The following FHIT variants were observed in gnomAD, a reference collection of about 807,000 sequenced individuals.
FHIT encodes the protein fragile histidine triad diadenosine triphosphatase, also known as bis(5'-adenosyl)-triphosphatase.
In FHIT, 19 loss-of-function variants were observed where a neutral mutation model predicts 17.9. The ratio of observed to expected loss-of-function variants is 1.06; its 90% CI spans 0.74 to 1.56. The LOEUF is 1.56. Among genes scored for constraint, FHIT ranks in the 40% most tolerant of loss-of-function variants. FHIT has a pLI of 0.00. For synonymous variants in FHIT, 81 were observed against 69.7 expected (o/e 1.16, Z -0.81); for missense variants, 248 against 189.2 (o/e 1.31, Z -1.82).
chr3:59,865,117 T>C (rs1699196260), intron 8 of FHIT, among the ~76,000 whole-genome samples: 1 of 152,236 alleles, frequency 6.6e-6, no homozygotes. Flanking sequence ...ATAATTTCAA[T>C]TTCATTTAAA....
chr3:61,227,993 C>T (rs1216502361), intron 1 of FHIT, among the ~76,000 whole-genome samples: 2 of 152,106 alleles, frequency 1.3e-5, no homozygotes, highest in Non-Finnish European at 2.9e-5. Flanking sequence ...TTATTAATCA[C>T]CAGCAATGAC....
chr3:59,879,983 G>GACA (rs1553704702), intron 8 of FHIT, among the ~76,000 whole-genome samples: 1 of 149,478 alleles, frequency 6.7e-6, no homozygotes, highest in Admixed American at 6.7e-5. Flanking sequence ...CAAGAGAGAA[G>GACA]AGGAGAAGTC....
intron 5 of FHIT, among the ~76,000 whole-genome samples, chr3:60,197,065 T>C (rs1367814452): frequency 6.6e-6 from 1 of 152,190 alleles, no homozygotes. Context: ...GTGTTCCCCA[T>C]AGTGTGGTAC....
chr3:60,229,944 T>C (rs1576341112), intron 5 of FHIT, among the ~76,000 whole-genome samples: 1 of 152,166 alleles, frequency 6.6e-6, no homozygotes, highest in Non-Finnish European at 1.5e-5. Flanking sequence ...ATTGTGCCAC[T>C]GCACTCCAGC....
At chr3:59,874,098 C>G (rs1424564845) in intron 8 of FHIT, among the ~76,000 whole-genome samples, 2 of 152,082 alleles carry the variant, frequency 1.3e-5, no homozygotes, top group East Asian at 1.9e-4. Flanking sequence ...CATAAGCTAT[C>G]CTCGCCTCTC....
In FHIT at chr3:59,748,959, G is replaced by A. The variant is rs1335849671; in HGVS notation, c.*626C>T. 2.6e-5 allele frequency among the ~76,000 whole-genome samples: 4 copies of A among 152,150 alleles called. No homozygotes were observed. The highest frequency in any genetic ancestry group is 5.9e-5 in the Non-Finnish European group (4 of 68,018). On this transcript the variant is annotated 3_prime_UTR_variant, in exon 10 of 10. Coordinates refer to ENST00000492590, the MANE Select transcript of FHIT (RefSeq NM_002012.4). ...TGCATGTTGAGAATTGTGCAGTTTT[G>A]CAGAGTGAGCACCATGAATGTCTTT...
chr3:60,759,025 T>C (rs1019128484), intron 4 of FHIT, among the ~76,000 whole-genome samples: 11 of 152,060 alleles, frequency 7.2e-5, no homozygotes, highest in Non-Finnish European at 1.0e-4. Flanking sequence ...AATCATGAGA[T>C]GACGAGGTGT....
At chr3:60,435,136 T>C (rs2030096675) in intron 5 of FHIT, among the ~76,000 whole-genome samples, 1 of 152,178 alleles carries the variant, frequency 6.6e-6, no homozygotes. Context: ...CAGCCTTTTC[T>C]CTTTGATTTG....
chr3:60,412,279 G>A (rs1203741755), intron 5 of FHIT, among the ~76,000 whole-genome samples: 1 of 152,006 alleles, frequency 6.6e-6, no homozygotes, highest in Admixed American at 6.6e-5. Flanking sequence ...TAAAAATCTT[G>A]AGGAAGGTGG....
intron 8 of FHIT, among the ~76,000 whole-genome samples, chr3:59,802,867 A>G (rs1216183447): frequency 6.6e-6 from 1 of 152,182 alleles, no homozygotes; most frequent in Admixed American, 6.5e-5. Flanking sequence ...AATAGAGAAA[A>G]GATATTCCAA....
At chr3:60,628,412 G>C (rs1553681588) in intron 4 of FHIT, among the ~76,000 whole-genome samples, 1 of 151,982 alleles carries the variant, frequency 6.6e-6, no homozygotes, top group African/African-American at 2.4e-5. Context: ...GAATATTGAA[G>C]GTTTTATCTC....
At chr3:59,914,904 T>C (rs989218723) in intron 8 of FHIT, among the ~76,000 whole-genome samples, 1 of 152,348 alleles carries the variant, frequency 6.6e-6, no homozygotes, top group African/African-American at 2.4e-5. Flanking sequence ...TAGTTTGCTT[T>C]AGCAGGTTAA....
Position 60,431,599 on chromosome 3 carries a change from T to A in FHIT, c.103+105261A>T, listed in dbSNP as rs1395564690. Among the ~76,000 whole-genome samples the A allele has an allele frequency of 2.6e-5, 4 of 152,144 alleles. No homozygotes were observed. In the East Asian group the frequency reaches 7.7e-4, roughly 29 times the overall value. ...TTCAAATCATTTAGTATTTTACTGG[T>A]GAAGGACGAAGGCTCAAGTTCTATC... On this transcript the variant is annotated intron_variant, in intron 5 of 9. Transcript: ENST00000492590.
intron 5 of FHIT, among the ~76,000 whole-genome samples, chr3:60,255,576 A>AT (rs1705946558): frequency 6.6e-6 from 1 of 152,086 alleles, no homozygotes; most frequent in African/African-American, 2.4e-5. Flanking sequence ...GGAATCACTT[A>AT]TTTTCCAAAA....
At chr3:60,598,339 TC>T (rs2107708829) in intron 4 of FHIT, among the ~76,000 whole-genome samples, 1 of 152,290 alleles carries the variant, frequency 6.6e-6, no homozygotes, top group African/African-American at 2.4e-5. Flanking sequence ...TTCTCTCCTC[TC>T]AGAATTATTA....
chr3:60,814,865 C>T (rs1299963899), intron 4 of FHIT, among the ~76,000 whole-genome samples: 1 of 149,148 alleles, frequency 6.7e-6, no homozygotes, highest in Non-Finnish European at 1.5e-5. Context: ...GCCTCACCAA[C>T]ATGTGGTTTT....
intron 3 of FHIT, among the ~76,000 whole-genome samples, chr3:60,940,152 T>G (rs1358731886): frequency 7.2e-5 from 11 of 152,118 alleles, no homozygotes; most frequent in Non-Finnish European, 1.3e-4. Flanking sequence ...ACTGGGTGAT[T>G]TATCATAGTT....
At chr3:60,659,292 T>C (rs553310101) in intron 4 of FHIT, among the ~76,000 whole-genome samples, 1 of 152,200 alleles carries the variant, frequency 6.6e-6, no homozygotes, top group East Asian at 1.9e-4. Context: ...TTCATTGAGC[T>C]TCTTGGATTT....
chr3:59,771,577 A>G (rs1165502879), intron 8 of FHIT, among the ~76,000 whole-genome samples: 1 of 152,206 alleles, frequency 6.6e-6, no homozygotes, highest in Non-Finnish European at 1.5e-5. Context: ...TAAAGTTCTA[A>G]GCAATTAAAT....
Sources: allele counts gnomAD v4.1 joint callset (sites outside exome capture counted in the v4.1 genomes callset), GRCh38; gene constraint gnomAD v4.1.1; transcripts MANE v1.5; gene names NCBI Gene and HGNC (gene_info 2026-07-23, HGNC 2026-07-21).